Variants in MTARC1 observed in about 807,000 individuals in gnomAD.
MTARC1 encodes the protein mitochondrial amidoxime-reducing component 1.
MTARC1 carries 24 observed loss-of-function variants against 33.6 expected under a neutral mutation model. That is an observed-to-expected ratio of 0.72 (90% CI 0.52 to 1.01). The LOEUF (loss-of-function observed/expected upper bound fraction) is 1.01, where lower values mean the gene tolerates loss of function less well. Among genes scored for constraint, MTARC1 ranks in the 50% least tolerant of loss-of-function variants. MTARC1 has a pLI of 0.00. For missense variants in MTARC1, 417 were observed against 445.7 expected (o/e 0.94, Z 0.58); for synonymous variants, 187 against 189.5 (o/e 0.99, Z 0.11).
intron 1 of MTARC1, chr1:220,791,067 C>T (rs1418894159): frequency 5.9e-6 from 1 of 169,238 alleles, no homozygotes; most frequent in Non-Finnish European, 1.3e-5. Flanking sequence ...CCTGCTATTT[C>T]CACTGACAAG....
At chr1:220,792,787 A>T (rs1339131236) in intron 2 of MTARC1, among the ~76,000 whole-genome samples, 1 of 152,132 alleles carries the variant, frequency 6.6e-6, no homozygotes, top group Non-Finnish European at 1.5e-5. Context: ...TTGTTTATAT[A>T]CTTAAATTGA....
chr1:220,817,336 C>T lies in MTARC1; in HGVS notation c.*3918C>T, dbSNP rs148162415. 5.2e-4 allele frequency: 80 copies of T among 152,726 alleles called. 2 individuals carry two copies. The East Asian group carries it at 9.1e-3, about 17-fold the overall frequency. 9.5% of individuals were successfully genotyped at this position (152,726 alleles called of 1,614,324 possible). A position where few individuals can be genotyped will look rare whatever the true frequency, so the allele number is the denominator to read the frequency against. ...AGTGTTACAGCTCTTAAAGGTGGCA[C>T]GGACCCAAAGTGAGCAGTAGCAAGA... On this transcript the variant is annotated 3_prime_UTR_variant, in exon 7 of 7. Coordinates refer to ENST00000366910, the MANE Select transcript of MTARC1 (RefSeq NM_022746.4).
intron 1 of MTARC1, 129 bp from the exon 2 acceptor site, chr1:220,791,362 C>G: frequency 1.0e-6 from 1 of 994,112 alleles, no homozygotes; most frequent in Non-Finnish European, 1.5e-6. Context: ...GACACACACA[C>G]TCAAACTCAC....
At chr1:220,792,067 G>C (rs1432133590) in intron 2 of MTARC1, among the ~76,000 whole-genome samples, 2 of 152,088 alleles carry the variant, frequency 1.3e-5, no homozygotes, top group African/African-American at 4.8e-5. Flanking sequence ...AGAAAAACTG[G>C]GCACCTTCCA....
At chr1:220,812,427 G>A (rs564895202) in intron 6 of MTARC1, among the ~76,000 whole-genome samples, 1 of 152,340 alleles carries the variant, frequency 6.6e-6, no homozygotes, top group East Asian at 1.9e-4. Context: ...AACAGGTAGA[G>A]AATGAGGAAA....
At chr1:220,792,057 A>G (rs1672441371) in intron 2 of MTARC1, among the ~76,000 whole-genome samples, 1 of 152,216 alleles carries the variant, frequency 6.6e-6, no homozygotes, top group African/African-American at 2.4e-5. Flanking sequence ...TTCTTGGCTT[A>G]GAAAAACTGG....
chr1:220,796,978 CTTTG>C (rs1571668713), intron 3 of MTARC1, among the ~76,000 whole-genome samples, 173 bp downstream of exon 3: 1 of 152,188 alleles, frequency 6.6e-6, no homozygotes, highest in Non-Finnish European at 1.5e-5. Flanking sequence ...TTGTTTGTTT[CTTTG>C]TTTGGGGGAC....
chr1:220,812,709 T>C (rs746950682), intron 6 of MTARC1, among the ~76,000 whole-genome samples: 4 of 151,116 alleles, frequency 2.6e-5, no homozygotes, highest in Non-Finnish European at 4.4e-5. Context: ...AAAGTATGTC[T>C]AGACACATTG....
chr1:220,811,887 G>A (rs1042931597), intron 6 of MTARC1, among the ~76,000 whole-genome samples: 2 of 152,228 alleles, frequency 1.3e-5, no homozygotes, highest in Admixed American at 6.5e-5. Context: ...TGATGTAGGA[G>A]GCCCGGCATT....
intron 1 of MTARC1, 54 bp from the exon 2 acceptor site, chr1:220,791,437 G>T (rs996801933): frequency 1.3e-5 from 21 of 1,581,222 alleles, no homozygotes; most frequent in Admixed American, 5.2e-5. Context: ...CTCCTCCAGG[G>T]TCTGGCTTCC....
At chr1:220,806,463 G>A (rs1354170110) in intron 6 of MTARC1, among the ~76,000 whole-genome samples, 1 of 152,164 alleles carries the variant, frequency 6.6e-6, no homozygotes, top group Non-Finnish European at 1.5e-5. Flanking sequence ...CATCATGAAC[G>A]AGCGCATGAC....
chr1:220,804,546 A>G (rs1021923687), intron 4 of MTARC1, among the ~76,000 whole-genome samples: 1 of 152,142 alleles, frequency 6.6e-6, no homozygotes, highest in African/African-American at 2.4e-5. Flanking sequence ...TCAAAGAGGA[A>G]TGAGGCTGCT....
Position 220,816,871 on chromosome 1 carries a change from T to A in MTARC1, c.*3453T>A, listed in dbSNP as rs1161729359. ...AGACCAGCTCTCCTGTTGTGGGCCTTAGGGAGAAGCACTCTCTTTCTTCGG... is the reference window on the plus strand; with the variant it reads ...AGACCAGCTCTCCTGTTGTGGGCCTAAGGGAGAAGCACTCTCTTTCTTCGG... On this transcript the variant is annotated 3_prime_UTR_variant, in exon 7 of 7. Transcript: ENST00000366910. 6.6e-6 allele frequency: 1 copy of A among 152,282 alleles called. No homozygotes were observed. Among genetic ancestry groups the A allele is most frequent in the Non-Finnish European group, 1.5e-5 (1 of 68,138 alleles). 9.4% of individuals were successfully genotyped at this position (152,282 alleles called of 1,614,324 possible). A position where few individuals can be genotyped will look rare whatever the true frequency, so the allele number is the denominator to read the frequency against.
rs12023067 is a variant in MTARC1 at position 220,791,501 on chromosome 1, G to T, written c.286G>T (p.Val96Leu). 2.7e-5 allele frequency: 44 copies of T among 1,613,924 alleles called. No individual in the cohort carries two copies. Among genetic ancestry groups the T allele is most frequent in the Non-Finnish European group, 3.7e-5 (44 of 1,179,932 alleles). Residue 96 changes from valine to leucine, a missense_variant, in exon 2 of 7, where the codon GTG becomes TTG. Val to Leu is a conservative substitution (Grantham distance 32, BLOSUM62 1). Coordinates refer to ENST00000366910, the MANE Select transcript of MTARC1 (RefSeq NM_022746.4). ...SGNLRDRFWL[V>L]INQEGNMVTA... is the part of the protein sequence containing the mutation. ...TTTTGAAAACGGCAGGTTTTGGCTT[G>T]TGATCAACCAGGAGGGAAACATGGT...
Position 220,808,717 on chromosome 1 carries a change from C to T in MTARC1, c.887+3443C>T, listed in dbSNP as rs1017132909. 9.4e-5 allele frequency: 39 copies of T among 415,820 alleles called. 1 individual carries two copies. Among genetic ancestry groups the T allele is most frequent in the African/African-American group, 4.1e-4 (20 of 48,970 alleles). 25.8% of individuals were successfully genotyped at this position (415,820 alleles called of 1,614,324 possible). ...GTTAGTCACCCACAGGCAGAGCCCG[C>T]GGTGGTACAGCAGTGGGAGGAAAAG... is the stretch of plus-strand genomic sequence containing the variant. On this transcript the variant is annotated intron_variant, in intron 6 of 6. Coordinates refer to ENST00000366910, the MANE Select transcript of MTARC1 (RefSeq NM_022746.4).
In MTARC1 at chr1:220,817,217, G is replaced by A. The variant is rs12737661; in HGVS notation, c.*3799G>A. ...AGGTTCAAGCAATTCTTCTGCCTCA[G>A]CCTCCCGAGTAGCTGGTGTGTCTGG... is the stretch of plus-strand genomic sequence containing the variant. On this transcript the variant is annotated 3_prime_UTR_variant, in exon 7 of 7. Coordinates refer to ENST00000366910, the MANE Select transcript of MTARC1 (RefSeq NM_022746.4). The A allele has an allele frequency of 3.6e-3, 556 of 156,134 alleles. 6 individuals are homozygous for A. Among genetic ancestry groups the A allele is most frequent in the Non-Finnish European group, 6.7e-3 (477 of 71,370 alleles). The allele number at this position is 156,134 out of a possible 1,614,324, so 9.7% of individuals were successfully genotyped here. A position where few individuals can be genotyped will look rare whatever the true frequency, so the allele number is the denominator to read the frequency against.
intron 4 of MTARC1, among the ~76,000 whole-genome samples, chr1:220,804,343 G>A (rs1038632144): frequency 1.3e-5 from 2 of 152,130 alleles, no homozygotes; most frequent in African/African-American, 4.8e-5. Context: ...CTGCCTTGGA[G>A]TGCTTTTTGT....
intron 2 of MTARC1, among the ~76,000 whole-genome samples, chr1:220,794,989 C>T (rs1672561082): frequency 6.6e-6 from 1 of 152,116 alleles, no homozygotes; most frequent in Non-Finnish European, 1.5e-5. Flanking sequence ...AATGACTTCT[C>T]ATTTTAGATA....
At chr1:220,787,587 C>G (rs563787870) in intron 1 of MTARC1, among the ~76,000 whole-genome samples, 2 of 152,106 alleles carry the variant, frequency 1.3e-5, no homozygotes, top group South Asian at 4.2e-4. Flanking sequence ...AGGTTGGTTC[C>G]CAGTCGCTAT....
Sources: gnomAD v4.1 joint callset for allele counts (sites outside exome capture counted in the v4.1 genomes callset) on GRCh38, gnomAD v4.1.1 for gene constraint, MANE v1.5 for transcripts, NCBI Gene and HGNC (gene_info 2026-07-23, HGNC 2026-07-21) for gene names.